LRP1B: variants seen among roughly 807,000 people sequenced by gnomAD.
LRP1B encodes LDL receptor related protein 1B.
Under a neutral mutation model 556.6 loss-of-function variants are expected in LRP1B, and 217 were observed. The observed-to-expected ratio is 0.39, with a 90% confidence interval of 0.35 to 0.44. The LOEUF is 0.44. LRP1B is among the 20% of genes least tolerant of loss of function. The pLI is 1.00. For missense variants in LRP1B, 5,053 were observed against 5,620.8 expected, an observed-to-expected ratio of 0.90 and a Z score of 3.23; for synonymous variants, 2,047 against 1,865.8, an observed-to-expected ratio of 1.10 and a Z score of -2.50.
intron 7 of LRP1B, among the ~76,000 whole-genome samples, chr2:141,149,873 G>T (rs1048844304): frequency 6.6e-6 from 1 of 152,174 alleles, no homozygotes; most frequent in Non-Finnish European, 1.5e-5. Flanking sequence ...GTATAGACAA[G>T]ATTCTCCAAC....
chr2:141,325,457 T>C (rs1573808316), intron 3 of LRP1B, among the ~76,000 whole-genome samples: 1 of 152,286 alleles, frequency 6.6e-6, no homozygotes, highest in East Asian at 1.9e-4. Flanking sequence ...ATATGCAACA[T>C]ATATCTCTTG....
chr2:141,073,356 A>AT (rs1290350849), intron 7 of LRP1B, among the ~76,000 whole-genome samples: 8 of 151,472 alleles, frequency 5.3e-5, no homozygotes, highest in East Asian at 1.9e-4. Flanking sequence ...CCTTTTTGGC[A>AT]TTTTTTTTCT....
intron 3 of LRP1B, among the ~76,000 whole-genome samples, chr2:141,292,771 G>T (rs1686025813): frequency 6.6e-6 from 1 of 152,134 alleles, no homozygotes; most frequent in Non-Finnish European, 1.5e-5. Flanking sequence ...CAAAGGCTGA[G>T]ATACTGCCAC....
At chr2:140,511,483 A>AGG (rs1689657147) in intron 51 of LRP1B, among the ~76,000 whole-genome samples, 1 of 151,844 alleles carries the variant, frequency 6.6e-6, no homozygotes, top group African/African-American at 2.4e-5. Context: ...TTGTATTTTT[A>AGG]GTAGAGACGG....
intron 2 of LRP1B, among the ~76,000 whole-genome samples, chr2:141,560,254 A>G (rs1686097454): frequency 6.6e-6 from 1 of 151,822 alleles, no homozygotes; most frequent in Non-Finnish European, 1.5e-5. Flanking sequence ...AAGGAACATT[A>G]ACTTCATTCT....
chr2:141,015,804 C>T lies in LRP1B; in HGVS notation c.2082G>A (p.Met694Ile), dbSNP rs2105389299. The part of the protein sequence containing the change: ...FNRQIFVTSK[M>I]LWPNGLTLDF... ...CCAGAGTTAAACCGTTTGGCCACAGCATCTTTGAAGTCACAAAAATCTGCC... is the reference window on the plus strand; with the variant it reads ...CCAGAGTTAAACCGTTTGGCCACAGTATCTTTGAAGTCACAAAAATCTGCC... Residue 694 changes from methionine to isoleucine, a missense_variant, in exon 13 of 91, where the codon ATG becomes ATA. Coordinates refer to ENST00000389484, the MANE Select transcript of LRP1B (RefSeq NM_018557.3). The T allele has an allele frequency of 6.2e-7, 1 of 1,613,580 alleles. No individual in the cohort carries two copies. The highest frequency in any genetic ancestry group is 8.5e-7 in the Non-Finnish European group (1 of 1,179,738).
chr2:141,314,808 A>ATT (rs1553493200), intron 3 of LRP1B, among the ~76,000 whole-genome samples: 22 of 64,900 alleles, frequency 3.4e-4, no homozygotes, highest in South Asian at 1.8e-3. Context: ...AAAAAAAAAA[A>ATT]TTTATATATA....
chr2:141,143,503 G>A (rs1701708573), intron 7 of LRP1B, among the ~76,000 whole-genome samples: 1 of 152,100 alleles, frequency 6.6e-6, no homozygotes, highest in South Asian at 2.1e-4. Flanking sequence ...TGAAGACAGA[G>A]ATGTTATTGG....
rs533204684 is a variant in LRP1B, at chr2:141,732,225, C to T, written c.205+78054G>A. 4.3e-4 allele frequency among the ~76,000 whole-genome samples: 65 copies of T among 152,082 alleles called. 1 individual carries two copies. Among genetic ancestry groups the T allele is most frequent in the South Asian group, 1.0e-3 (5 of 4,832 alleles). ...TTCAGTAAATAGTTGGTAGCTACAA[C>T]GTTGGGGAATTACTACGAAATTATG... On this transcript the variant is annotated intron_variant, in intron 2 of 90. Transcript: ENST00000389484.
chr2:140,372,902 T>G, intron 69 of LRP1B, 106 bp downstream of exon 69: 1 of 1,167,348 alleles, frequency 8.6e-7, no homozygotes, highest in Non-Finnish European at 1.2e-6. Context: ...TTAAAAATGG[T>G]AAACATATGA....
rs753532821 is a variant in LRP1B at position 140,534,115 on chromosome 2, G to T, written c.7668C>A (p.Phe2556Leu). Residue 2556 changes from phenylalanine (F) to leucine (L), a missense_variant, in exon 47 of 91, where the codon TTC becomes TTA. Transcript: ENST00000389484. ...YCENRSCRRG[F>L]KPCYNRRCIP... ...TGCAGCGGCGATTATAGCATGGCTTGAAGCCTCTTCGACAGCTTCTGTTTT... is the reference window on the plus strand; with the variant it reads ...TGCAGCGGCGATTATAGCATGGCTTTAAGCCTCTTCGACAGCTTCTGTTTT... 3 of 1,613,132 alleles carry T rather than the reference G, an allele frequency of 1.9e-6. No individual in the cohort carries two copies. The highest frequency in any genetic ancestry group is 1.7e-5 in the Admixed American group (1 of 59,940).
intron 87 of LRP1B, among the ~76,000 whole-genome samples, chr2:140,244,421 G>A (rs142821496): frequency 6.6e-6 from 1 of 151,202 alleles, no homozygotes; most frequent in Non-Finnish European, 1.5e-5. Context: ...CATAATTTCA[G>A]CGGATACAAC....
intron 7 of LRP1B, among the ~76,000 whole-genome samples, chr2:141,111,339 C>A (rs1700744619): frequency 6.9e-6 from 1 of 144,956 alleles, no homozygotes; most frequent in Non-Finnish European, 1.5e-5. Context: ...ATGCAAATAG[C>A]AAACAAGTAC....
rs140675434 is a variant in LRP1B, at chr2:142,015,388, C to T, written c.82+115260G>A. The stretch of plus-strand genomic sequence containing the variant: ...AAATTAACTCCAGATGGATTAAAGA[C>T]TTAAACATAAGACCTAAAACCATAA... On this transcript the variant is annotated intron_variant, in intron 1 of 90. Coordinates refer to ENST00000389484, the MANE Select transcript of LRP1B (RefSeq NM_018557.3). 5.0e-3 allele frequency among the ~76,000 whole-genome samples: 757 copies of T among 152,262 alleles called. 7 individuals carry two copies. Among genetic ancestry groups the T allele is most frequent in the African/African-American group, 0.017 (720 of 41,552 alleles).
At chr2:140,827,199 A>T (rs1483343954) in intron 31 of LRP1B, among the ~76,000 whole-genome samples, 1 of 152,160 alleles carries the variant, frequency 6.6e-6, no homozygotes, top group African/African-American at 2.4e-5. Context: ...GCCTTCAATG[A>T]AAAGCTATAG....
intron 2 of LRP1B, among the ~76,000 whole-genome samples, chr2:141,619,826 T>G (rs1372263319): frequency 6.6e-6 from 1 of 152,222 alleles, no homozygotes; most frequent in Non-Finnish European, 1.5e-5. Flanking sequence ...CAATACCTTC[T>G]GATAGAACTG....
Position 141,013,570 on chromosome 2 carries a change from G to A in LRP1B, c.2366C>T (p.Pro789Leu). 1 of 1,606,224 alleles carries A rather than the reference G, an allele frequency of 6.2e-7. No homozygotes were observed. The highest frequency in any genetic ancestry group is 8.5e-7 in the Non-Finnish European group (1 of 1,176,844). The change falls in exon 14 of 91, where the codon CCA becomes CTA. Residue 789 changes from proline to leucine, a missense_variant. Physicochemically the swap from Pro to Leu is moderately conservative, Grantham distance 98. This residue lies in a region of LRP1B where 3,619 missense variants were observed against 3,931.9 expected (regional missense o/e 0.92). Coordinates refer to ENST00000389484, the MANE Select transcript of LRP1B (RefSeq NM_018557.3). ...TTTTTTAATACCTTGTTGCTTTCGT[G>A]GATCATAAATCTGAAGCCCAAATAG... ...PPLFGLQIYD[P>L]RKQQGDNMCR...
chr2:140,259,470 G>T (rs931654781), intron 86 of LRP1B, among the ~76,000 whole-genome samples: 3 of 151,926 alleles, frequency 2.0e-5, no homozygotes, highest in African/African-American at 7.2e-5. Flanking sequence ...AGCCGATTGA[G>T]AATCATAGTA....
intron 20 of LRP1B, among the ~76,000 whole-genome samples, chr2:140,935,428 T>C (rs1304447028): frequency 1.3e-5 from 2 of 151,902 alleles, no homozygotes; most frequent in African/African-American, 4.8e-5. Context: ...AAAGGCAGAT[T>C]TGAGCTGGAA....
Sources: gnomAD v4.1 joint callset for allele counts (sites outside exome capture counted in the v4.1 genomes callset) on GRCh38, gnomAD v4.1.1 for gene constraint, gnomAD v4.1.1 regional missense constraint, MANE v1.5 for transcripts, NCBI Gene and HGNC (gene_info 2026-07-23, HGNC 2026-07-21) for gene names.